The following GNAI1 variants were observed in gnomAD, a reference collection of about 807,000 sequenced individuals.
The protein encoded by GNAI1 is G protein subunit alpha i1, also known as guanine nucleotide-binding protein G(i) subunit alpha-1.
Under a neutral mutation model 38.9 loss-of-function variants are expected in GNAI1, and 11 were observed. The ratio of observed to expected loss-of-function variants is 0.28; its 90% CI spans 0.18 to 0.47. The LOEUF (loss-of-function observed/expected upper bound fraction) is 0.47, where lower values mean the gene tolerates loss of function less well. GNAI1 is among the 20% of genes least tolerant of loss of function. The probability of loss-of-function intolerance (pLI) is 0.99; values close to 1 mark genes in which losing one functional copy is unlikely to be tolerated. For synonymous variants in GNAI1, 166 were observed against 145.1 expected (o/e 1.14, Z -1.04); for missense variants, 317 against 436.9 (o/e 0.73, Z 2.45).
At position 80,135,271 on chromosome 7, in the gene GNAI1, G is replaced by A. The variant is rs775818036; in HGVS notation, c.111G>A (p.Leu37=). Residue 37 remains leucine, a synonymous_variant, in exon 1 of 8, where the codon CTG becomes CTA. Transcript: ENST00000649796. ...AGGCGGCGCGCGAGGTCAAGCTGCT[G>A]CTGCTCGGTAAGGGCGGCCGGGTCG... The part of the protein sequence containing the change: ...GEKAAREVKL[L]LLGAGESGKS... 3.1e-5 allele frequency: 46 copies of A among 1,499,414 alleles called. 1 individual carries two copies. In the South Asian group the frequency reaches 5.8e-4, roughly 19 times the overall value. 92.9% of individuals were successfully genotyped at this position (1,499,414 alleles called of 1,614,324 possible).
intron 1 of GNAI1, among the ~76,000 whole-genome samples, chr7:80,185,076 A>C (rs1444147203): frequency 6.6e-6 from 1 of 152,058 alleles, no homozygotes; most frequent in Non-Finnish European, 1.5e-5. Context: ...TTTTCATCCC[A>C]TCCTGGATTT....
chr7:80,164,935 A>G (rs1447702032), intron 1 of GNAI1, among the ~76,000 whole-genome samples: 2 of 152,176 alleles, frequency 1.3e-5, no homozygotes, highest in Non-Finnish European at 2.9e-5. Context: ...AAAAGGATAT[A>G]TGAAAAGTTA....
intron 7 of GNAI1, 83 bp from the exon 8 acceptor site, chr7:80,217,220 T>TCATATGTATGAAACTGACTTCAGTTA: frequency 1.1e-6 from 1 of 896,204 alleles, no homozygotes; most frequent in Non-Finnish European, 1.7e-6. Flanking sequence ...GACTTCAGTT[T>TCATATGTATGAAACTGACTTCAGTTA]CATATGTATG....
At chr7:80,172,892 C>T (rs535989450) in intron 1 of GNAI1, among the ~76,000 whole-genome samples, 29 of 152,124 alleles carry the variant, frequency 1.9e-4, no homozygotes, top group African/African-American at 5.1e-4. Context: ...AAGATGGAAC[C>T]GAGGGTAAAG....
chr7:80,152,001 T>A (rs1479972328), intron 1 of GNAI1, among the ~76,000 whole-genome samples: 1 of 152,250 alleles, frequency 6.6e-6, no homozygotes, highest in Non-Finnish European at 1.5e-5. Flanking sequence ...TGTTTATTTT[T>A]AATTTTTTCA....
intron 1 of GNAI1, among the ~76,000 whole-genome samples, chr7:80,179,182 T>C (rs535951493): frequency 1.3e-3 from 205 of 152,336 alleles, no homozygotes; most frequent in Admixed American, 2.6e-3. Context: ...AGCAACTTAA[T>C]GACTGTGTTA....
chr7:80,215,007 C>G (rs1487507171), intron 7 of GNAI1, among the ~76,000 whole-genome samples: 1 of 152,080 alleles, frequency 6.6e-6, no homozygotes, highest in African/African-American at 2.4e-5. Context: ...TGGTTAGCAC[C>G]TGAAGCTCAA....
At chr7:80,191,712 A>T (rs1460591945) in intron 3 of GNAI1, among the ~76,000 whole-genome samples, 1 of 152,164 alleles carries the variant, frequency 6.6e-6, no homozygotes, top group Non-Finnish European at 1.5e-5. Context: ...TATTCAAAAG[A>T]AGTCTGAATA....
chr7:80,214,738 T>C (rs918909315), intron 7 of GNAI1, among the ~76,000 whole-genome samples: 2 of 152,188 alleles, frequency 1.3e-5, no homozygotes, highest in African/African-American at 4.8e-5. Flanking sequence ...AACAACTCAC[T>C]TGATTTATCT....
intron 1 of GNAI1, among the ~76,000 whole-genome samples, chr7:80,157,049 C>T (rs773363867): frequency 2.6e-5 from 4 of 152,152 alleles, no homozygotes; most frequent in Non-Finnish European, 5.9e-5. Flanking sequence ...TTACATTTAT[C>T]CAGCATTATA....
rs868287539 is a variant in GNAI1, at chr7:80,219,408, A to T, written c.*1915A>T. The T allele has an allele frequency of 9.2e-5, 14 of 152,666 alleles. No individual in the cohort carries two copies. Among genetic ancestry groups the T allele is most frequent in the African/African-American group, 3.4e-4 (14 of 41,562 alleles). The allele number at this position is 152,666 out of a possible 1,614,324, so 9.5% of individuals were successfully genotyped here. Reference sequence around the variant, plus strand: ...AATTTAAATTTTTAAAATTTTACAAACCTATTGGCTAAGTACATTTTGGAT... The same window carrying T: ...AATTTAAATTTTTAAAATTTTACAATCCTATTGGCTAAGTACATTTTGGAT... On this transcript the variant is annotated 3_prime_UTR_variant, in exon 8 of 8. Transcript: ENST00000649796.
intron 1 of GNAI1, among the ~76,000 whole-genome samples, chr7:80,168,644 A>C (rs1788052917): frequency 6.6e-6 from 1 of 152,078 alleles, no homozygotes; most frequent in Non-Finnish European, 1.5e-5. Context: ...TGGCCTCCCA[A>C]AGTGCTGGGA....
chr7:80,151,422 A>G (rs1787725352), intron 1 of GNAI1, among the ~76,000 whole-genome samples: 1 of 152,196 alleles, frequency 6.6e-6, no homozygotes, highest in South Asian at 2.1e-4. Context: ...AATTACACAC[A>G]AAACCACAAA....
At chr7:80,185,715 T>G (rs1788374746) in intron 1 of GNAI1, among the ~76,000 whole-genome samples, 2 of 152,158 alleles carry the variant, frequency 1.3e-5, no homozygotes, top group Non-Finnish European at 1.5e-5. Flanking sequence ...TGTGCAGCGT[T>G]ACACTCCCAG....
intron 1 of GNAI1, among the ~76,000 whole-genome samples, chr7:80,176,167 T>C (rs1788178829): frequency 6.6e-6 from 1 of 152,180 alleles, no homozygotes; most frequent in South Asian, 2.1e-4. Flanking sequence ...GCCTTATTGC[T>C]GACATGGAGA....
chr7:80,186,821 A>G (rs2115623704), intron 1 of GNAI1, among the ~76,000 whole-genome samples: 1 of 152,290 alleles, frequency 6.6e-6, no homozygotes, highest in East Asian at 1.9e-4. Context: ...AGACAGCCCC[A>G]CTGGAAACTG....
chr7:80,168,966 C>G (rs192374035), intron 1 of GNAI1, among the ~76,000 whole-genome samples: 12 of 152,228 alleles, frequency 7.9e-5, no homozygotes, highest in Admixed American at 3.9e-4. Context: ...TATATATTGC[C>G]TCTGTTGCCA....
chr7:80,202,282 G>A (rs1788701362), intron 4 of GNAI1, among the ~76,000 whole-genome samples: 1 of 151,960 alleles, frequency 6.6e-6, no homozygotes, highest in Admixed American at 6.6e-5. Context: ...TAGAGACTGG[G>A]TTTCACCATG....
intron 7 of GNAI1, among the ~76,000 whole-genome samples, chr7:80,213,082 CAGTT>C (rs1382489577): frequency 2.0e-5 from 3 of 152,092 alleles, no homozygotes; most frequent in Non-Finnish European, 2.9e-5. Context: ...TATGGAAAAG[CAGTT>C]AGATAATTTT....
Sources: allele counts gnomAD v4.1 joint callset (sites outside exome capture counted in the v4.1 genomes callset), GRCh38; gene constraint gnomAD v4.1.1; transcripts MANE v1.5; gene names NCBI Gene and HGNC (gene_info 2026-07-23, HGNC 2026-07-21).